GNAQ: variants seen among roughly 807,000 people sequenced by gnomAD.
GNAQ encodes the protein G protein subunit alpha q, also known as guanine nucleotide-binding protein G(q) subunit alpha.
In GNAQ, 8 loss-of-function variants were observed where a neutral mutation model predicts 43.9. That is an observed-to-expected ratio of 0.18 (90% CI 0.11 to 0.33). The LOEUF is 0.33. Among genes scored for constraint, GNAQ ranks in the 10% least tolerant of loss-of-function variants. The pLI is 1.00. For missense variants in GNAQ, 158 were observed against 450.8 expected, an observed-to-expected ratio of 0.35 and a Z score of 5.88; for synonymous variants, 155 against 170.7, an observed-to-expected ratio of 0.91 and a Z score of 0.71.
In GNAQ at chr9:77,721,289, A is replaced by T. The variant is rs375995906; in HGVS notation, c.*34T>A. 6 of 1,386,826 alleles carry T rather than the reference A, an allele frequency of 4.3e-6. No homozygotes were observed. Among genetic ancestry groups the T allele is most frequent in the Non-Finnish European group, 6.0e-6 (6 of 995,856 alleles). 85.9% of individuals were successfully genotyped at this position (1,386,826 alleles called of 1,614,324 possible). A position where few individuals can be genotyped will look rare whatever the true frequency, so the allele number is the denominator to read the frequency against. Reference sequence around the variant, plus strand: ...TCTTGTGTATCTTCAATAGCCCACCAGGGAAGGGCAGGGCGGGTGTCTAGG... The same window carrying T: ...TCTTGTGTATCTTCAATAGCCCACCTGGGAAGGGCAGGGCGGGTGTCTAGG... On this transcript the variant is annotated 3_prime_UTR_variant, in exon 7 of 7. Transcript: ENST00000286548.
At chr9:78,008,765 C>T (rs1823738409) in intron 1 of GNAQ, among the ~76,000 whole-genome samples, 1 of 152,146 alleles carries the variant, frequency 6.6e-6, no homozygotes, top group Admixed American at 6.6e-5. Context: ...ACTACAGGCA[C>T]ATGCCACAAC....
chr9:77,726,086 G>A (rs1231286151), intron 6 of GNAQ, among the ~76,000 whole-genome samples: 1 of 152,116 alleles, frequency 6.6e-6, no homozygotes, highest in African/African-American at 2.4e-5. Context: ...CTGTATTCAG[G>A]TAGATGTGTT....
chr9:77,823,857 C>A (rs1827151925), intron 2 of GNAQ, among the ~76,000 whole-genome samples: 1 of 152,108 alleles, frequency 6.6e-6, no homozygotes, highest in African/African-American at 2.4e-5. Context: ...GGACACAGAG[C>A]CAAACCATAT....
intron 1 of GNAQ, among the ~76,000 whole-genome samples, chr9:78,003,877 CT>C (rs1293571279): frequency 6.6e-6 from 1 of 150,720 alleles, no homozygotes; most frequent in African/African-American, 2.4e-5. Context: ...ACTTGTAACA[CT>C]TTGCCAAAGT....
chr9:77,999,092 CAAAAAA>C (rs56358201), intron 1 of GNAQ, among the ~76,000 whole-genome samples: 14 of 52,572 alleles, frequency 2.7e-4, no homozygotes, highest in African/African-American at 1.3e-3. Flanking sequence ...AACTCTGTCT[CAAAAAA>C]AAAAAAAAAA....
chr9:77,986,944 T>C (rs180790976), intron 1 of GNAQ, among the ~76,000 whole-genome samples: 4 of 152,152 alleles, frequency 2.6e-5, no homozygotes, highest in African/African-American at 9.6e-5. Context: ...CTTTTATTTA[T>C]CATTATATTG....
At chr9:78,022,874 G>A (rs1350839901) in intron 1 of GNAQ, among the ~76,000 whole-genome samples, 1 of 152,212 alleles carries the variant, frequency 6.6e-6, no homozygotes. Flanking sequence ...TACTCAGGCT[G>A]ATTGGGTATA....
intron 1 of GNAQ, among the ~76,000 whole-genome samples, chr9:77,967,800 T>A (rs986677271): frequency 6.6e-6 from 1 of 152,050 alleles, no homozygotes; most frequent in African/African-American, 2.4e-5. Context: ...GTCAACATGG[T>A]GAAACCTCAT....
At chr9:77,895,528 C>T (rs1394830975) in intron 2 of GNAQ, among the ~76,000 whole-genome samples, 1 of 152,132 alleles carries the variant, frequency 6.6e-6, no homozygotes, top group African/African-American at 2.4e-5. Flanking sequence ...CTAGAGAGAA[C>T]CTTCTCTTGG....
intron 1 of GNAQ, among the ~76,000 whole-genome samples, chr9:78,013,388 G>A (rs1451424339): frequency 6.6e-6 from 1 of 150,500 alleles, no homozygotes; most frequent in Non-Finnish European, 1.5e-5. Context: ...ATGTATACAT[G>A]TACCGTGTTG....
chr9:77,749,410 G>A (rs1007345645), intron 5 of GNAQ, among the ~76,000 whole-genome samples: 3 of 152,130 alleles, frequency 2.0e-5, no homozygotes, highest in Non-Finnish European at 4.4e-5. Context: ...CAGGCAGAAG[G>A]CTTTAAATAT....
intron 2 of GNAQ, among the ~76,000 whole-genome samples, chr9:77,847,762 T>C (rs1336836745): frequency 6.6e-6 from 1 of 152,146 alleles, no homozygotes; most frequent in Non-Finnish European, 1.5e-5. Flanking sequence ...TTGGGCCTTG[T>C]GCAAAGGGAC....
chr9:78,021,409 G>T (rs1234012386), intron 1 of GNAQ, among the ~76,000 whole-genome samples: 3 of 152,062 alleles, frequency 2.0e-5, no homozygotes, highest in Non-Finnish European at 4.4e-5. Context: ...ATATTTTAAG[G>T]CAAAAAATTA....
chr9:77,791,384 C>A (rs951137865), intron 5 of GNAQ, among the ~76,000 whole-genome samples: 6 of 152,112 alleles, frequency 3.9e-5, no homozygotes, highest in Non-Finnish European at 8.8e-5. Context: ...TTCAGGAGCA[C>A]TGAAATAACA....
At chr9:77,953,929 A>G (rs1351942495) in intron 1 of GNAQ, among the ~76,000 whole-genome samples, 2 of 152,210 alleles carry the variant, frequency 1.3e-5, no homozygotes, top group Admixed American at 1.3e-4. Flanking sequence ...ATCTTCCTTC[A>G]TTGACCAAAT....
rs542931434 is a variant in GNAQ at position 77,717,953 on chromosome 9, A to C, written c.*3370T>G. The C allele has an allele frequency of 2.1e-5, 5 of 232,758 alleles. No homozygotes were observed. The Admixed American group carries it at 2.8e-4, about 13-fold the overall frequency. The allele number at this position is 232,758 out of a possible 1,614,324, so 14.4% of individuals were successfully genotyped here. ...CCCTTTGTTTCAGATATGAGGCACA[A>C]ACTTCTGAATTTAAGCTCTGTAAGG... On this transcript the variant is annotated 3_prime_UTR_variant, in exon 7 of 7. Transcript: ENST00000286548.
chr9:77,854,371 T>C (rs1827718836), intron 2 of GNAQ, among the ~76,000 whole-genome samples: 1 of 152,146 alleles, frequency 6.6e-6, no homozygotes, highest in South Asian at 2.1e-4. Flanking sequence ...AAAATCAAAA[T>C]TCTGAAAATA....
chr9:77,731,766 G>C (rs1825493490), intron 5 of GNAQ, among the ~76,000 whole-genome samples: 1 of 152,192 alleles, frequency 6.6e-6, no homozygotes, highest in Non-Finnish European at 1.5e-5. Flanking sequence ...CATTGAGCTG[G>C]AAGGTACAGA....
At chr9:77,737,718 A>G (rs371193759) in intron 5 of GNAQ, among the ~76,000 whole-genome samples, 6 of 152,324 alleles carry the variant, frequency 3.9e-5, no homozygotes, top group African/African-American at 1.4e-4. Context: ...GGAGACAACT[A>G]GACAGACCTA....
Sources: gnomAD v4.1 joint callset for allele counts (sites outside exome capture counted in the v4.1 genomes callset) on GRCh38, gnomAD v4.1.1 for gene constraint, MANE v1.5 for transcripts, NCBI Gene and HGNC (gene_info 2026-07-23, HGNC 2026-07-21) for gene names.